Variants in UNC79 observed in about 807,000 individuals in gnomAD.
UNC79 encodes unc-79 subunit of NALCN channel complex.
Under a neutral mutation model 283.1 loss-of-function variants are expected in UNC79, and 37 were observed. The observed-to-expected ratio is 0.13, with a 90% confidence interval of 0.10 to 0.17. The LOEUF is 0.17. UNC79 is among the 10% of genes least tolerant of loss of function. UNC79 has a pLI of 1.00. For missense variants in UNC79, 2,272 were observed against 3,211.1 expected, an observed-to-expected ratio of 0.71 and a Z score of 7.07; for synonymous variants, 1,107 against 1,200.2, an observed-to-expected ratio of 0.92 and a Z score of 1.61.
Position 93,617,532 on chromosome 14 carries a change from A to G in UNC79, c.4224+228A>G, listed in dbSNP as rs181267452. ...AAAAATGTTTAAAACAAAGAATGAT[A>G]AATGGTAGGCTACTGATCAAGAACC... On this transcript the variant is annotated intron_variant, in intron 28 of 48. Coordinates refer to ENST00000555664, the Ensembl canonical transcript of UNC79. This position sits in a 1 kb window ranked among gnomAD's most constrained non-coding sequence, Gnocchi z 4.5. Among the ~76,000 whole-genome samples, 24 of 152,338 alleles carry G rather than the reference A, an allele frequency of 1.6e-4. No individual in the cohort carries two copies. Among genetic ancestry groups the G allele is most frequent in the Non-Finnish European group, 1.3e-4 (9 of 68,028 alleles).
chr14:93,395,531 A>G (rs922532385), intron 1 of UNC79, among the ~76,000 whole-genome samples: 1 of 152,158 alleles, frequency 6.6e-6, no homozygotes, highest in African/African-American at 2.4e-5. Context: ...CAAGGGGGAA[A>G]TCCATCTCCA....
chr14:93,372,183 A>G (rs1311385873), intron 1 of UNC79, among the ~76,000 whole-genome samples: 1 of 150,652 alleles, frequency 6.6e-6, no homozygotes, highest in Non-Finnish European at 1.5e-5. Context: ...TTAATTGGTC[A>G]TAAATAATTT....
rs536875534 is a variant in UNC79 at position 93,525,943 on chromosome 14, A to G, written c.963+1901A>G. 7.2e-5 allele frequency among the ~76,000 whole-genome samples: 11 copies of G among 152,304 alleles called. No homozygotes were observed. In the South Asian group the frequency reaches 1.5e-3, roughly 20 times the overall value. On this transcript the variant is annotated intron_variant, in intron 8 of 48. Transcript: ENST00000555664. ...TGAGTTGGCCTCACTTTTCTTCCTG[A>G]AGTGAGTCAGCCATGATAGGTCAAA... is the stretch of plus-strand genomic sequence containing the variant.
intron 1 of UNC79, among the ~76,000 whole-genome samples, chr14:93,370,994 G>A (rs974008952): frequency 6.6e-6 from 1 of 152,086 alleles, no homozygotes; most frequent in African/African-American, 2.4e-5. Context: ...CTAAATTAAT[G>A]TCAAACACCA....
intron 5 of UNC79, among the ~76,000 whole-genome samples, chr14:93,492,174 T>C (rs1390934727): frequency 6.6e-6 from 1 of 152,178 alleles, no homozygotes; most frequent in Admixed American, 6.5e-5. Context: ...TTATGTCTAA[T>C]TGGGAAGATC....
At chr14:93,614,916 T>G (rs1327231282) in intron 27 of UNC79, among the ~76,000 whole-genome samples, 3 of 152,126 alleles carry the variant, frequency 2.0e-5, no homozygotes, top group Non-Finnish European at 1.5e-5. Flanking sequence ...TGAGAATTCC[T>G]TAGGGAGATG....
intron 1 of UNC79, among the ~76,000 whole-genome samples, chr14:93,440,367 CGATT>C (rs2056250043): frequency 6.6e-6 from 1 of 151,770 alleles, no homozygotes; most frequent in Non-Finnish European, 1.5e-5. Context: ...TCTATTTTGT[CGATT>C]TCTTTTTCAA....
chr14:93,696,526 G>A (rs551075235), intron 47 of UNC79, among the ~76,000 whole-genome samples: 3 of 152,264 alleles, frequency 2.0e-5, no homozygotes, highest in Non-Finnish European at 4.4e-5. Context: ...GTTGTGTACT[G>A]GTATCTTGTT....
chr14:93,506,713 A>C (rs567870443), intron 7 of UNC79, among the ~76,000 whole-genome samples: 3 of 152,134 alleles, frequency 2.0e-5, no homozygotes, highest in Non-Finnish European at 2.9e-5. Flanking sequence ...TGTCACTGGA[A>C]AATTGTCAGG....
intron 25 of UNC79, among the ~76,000 whole-genome samples, chr14:93,601,935 C>T (rs890834500): frequency 2.6e-5 from 4 of 152,036 alleles, no homozygotes; most frequent in African/African-American, 9.7e-5. Context: ...CCTTTGCCTA[C>T]TTTTTGATGG....
At chr14:93,613,950 T>C (rs1189419743) in intron 27 of UNC79, among the ~76,000 whole-genome samples, 1 of 152,148 alleles carries the variant, frequency 6.6e-6, no homozygotes, top group African/African-American at 2.4e-5. Context: ...TTGTTTTCTC[T>C]GTGTGTTTCA....
chr14:93,605,379 C>A (rs1293282015), intron 26 of UNC79, among the ~76,000 whole-genome samples: 1 of 152,198 alleles, frequency 6.6e-6, no homozygotes, highest in African/African-American at 2.4e-5. Flanking sequence ...CGCTCATCCC[C>A]TTAGCCATTC....
downstream of UNC79, chr14:93,707,188 A>G (rs2075929631): frequency 8.9e-6 from 3 of 337,780 alleles, no homozygotes; most frequent in African/African-American, 2.1e-5. Flanking sequence ...AGAAAAAAAA[A>G]TAGACTGGTG....
intron 1 of UNC79, among the ~76,000 whole-genome samples, chr14:93,459,139 G>A (rs2056872972): frequency 2.0e-5 from 3 of 152,124 alleles, no homozygotes; most frequent in Non-Finnish European, 4.4e-5. Flanking sequence ...TTACAGGTGG[G>A]TGCCACCAAA....
chr14:93,345,993 G>A (rs2053819022), intron 1 of UNC79, among the ~76,000 whole-genome samples: 1 of 150,352 alleles, frequency 6.7e-6, no homozygotes. Context: ...GGAAAAGAAA[G>A]GAACAATGCC....
At chr14:93,438,918 A>G (rs1239507548) in intron 1 of UNC79, among the ~76,000 whole-genome samples, 1 of 151,720 alleles carries the variant, frequency 6.6e-6, no homozygotes, top group Non-Finnish European at 1.5e-5. Context: ...TTTCTCATAT[A>G]GATTTTGGAA....
rs117965813 is a variant in UNC79, at chr14:93,392,270, A to G, written c.-351+58747A>G. On this transcript the variant is annotated intron_variant, in intron 1 of 49. Coordinates refer to the UNC79 transcript ENST00000256339. ...GAAATGTAACAAATGACAGCTTCATATAACAACATGATGAATTTCAGAAAC... is the reference window on the plus strand; with the variant it reads ...GAAATGTAACAAATGACAGCTTCATGTAACAACATGATGAATTTCAGAAAC... Among the ~76,000 whole-genome samples, 334 of 152,356 alleles carry G rather than the reference A, an allele frequency of 2.2e-3. 5 individuals carry two copies. The highest frequency in any genetic ancestry group is 0.021 in the East Asian group (110 of 5,180).
intron 40 of UNC79, 86 bp from the exon 44 acceptor site, chr14:93,673,265 T>C (rs2073047343): frequency 8.5e-7 from 1 of 1,173,196 alleles, no homozygotes; most frequent in African/African-American, 1.5e-5. Flanking sequence ...TTCTGACCCG[T>C]GAATTTTTTG....
chr14:93,391,300 C>T (rs1216334353), intron 1 of UNC79, among the ~76,000 whole-genome samples: 1 of 152,116 alleles, frequency 6.6e-6, no homozygotes, highest in Admixed American at 6.6e-5. Flanking sequence ...AGAAACTTGA[C>T]TTTTATCTCA....
Sources: allele counts gnomAD v4.1 joint callset (sites outside exome capture counted in the v4.1 genomes callset), GRCh38; gene constraint gnomAD v4.1.1; non-coding constraint Gnocchi (gnomAD v3.1); transcripts MANE v1.5; gene names NCBI Gene and HGNC (gene_info 2026-07-23, HGNC 2026-07-21).